The following ARL15 variants were observed in gnomAD, a reference collection of about 807,000 sequenced individuals.
ARL15 encodes the protein ADP-ribosylation factor-like protein 15.
A neutral mutation model predicts 25.2 loss-of-function variants in ARL15; 19 were observed. The observed-to-expected ratio is 0.75, with a 90% CI of 0.53 to 1.10. The LOEUF (loss-of-function observed/expected upper bound fraction) is 1.10. Among genes scored for constraint, ARL15 ranks in the 50% least tolerant of loss-of-function variants. The probability of loss-of-function intolerance (pLI) is 0.00; values close to 1 mark genes in which losing one functional copy is unlikely to be tolerated. For missense variants in ARL15, 220 were observed against 246.0 expected (o/e 0.89, Z 0.71); for synonymous variants, 94 against 86.8 (o/e 1.08, Z -0.46).
intron 4 of ARL15, among the ~76,000 whole-genome samples, chr5:53,953,906 C>T (rs1747056820): frequency 6.6e-6 from 1 of 152,042 alleles, no homozygotes; most frequent in African/African-American, 2.4e-5. Context: ...ACTAGGTTTT[C>T]CATTTCAGAC....
intron 4 of ARL15, among the ~76,000 whole-genome samples, chr5:54,074,893 A>G (rs998379246): frequency 3.3e-5 from 5 of 151,518 alleles, no homozygotes; most frequent in Non-Finnish European, 4.4e-5. Flanking sequence ...TCACTTCCCC[A>G]GGTCTCAGTG....
chr5:54,196,702 C>T (rs1755560044), intron 1 of ARL15, among the ~76,000 whole-genome samples: 1 of 152,022 alleles, frequency 6.6e-6, no homozygotes, highest in Admixed American at 6.6e-5. Context: ...TTTACACATT[C>T]AGTGCTCTTT....
chr5:53,938,733 A>G (rs1746434758), intron 4 of ARL15, among the ~76,000 whole-genome samples: 1 of 152,188 alleles, frequency 6.6e-6, no homozygotes, highest in Non-Finnish European at 1.5e-5. Flanking sequence ...AGTTCCAGTT[A>G]CTTGGGAGGC....
At chr5:54,172,289 C>T (rs1754743302) in intron 1 of ARL15, among the ~76,000 whole-genome samples, 1 of 152,114 alleles carries the variant, frequency 6.6e-6, no homozygotes, top group African/African-American at 2.4e-5. Context: ...AGGCAACTGG[C>T]CTGTTCTCCT....
At chr5:54,045,620 A>G (rs1298985299) in intron 4 of ARL15, among the ~76,000 whole-genome samples, 1 of 151,670 alleles carries the variant, frequency 6.6e-6, no homozygotes, top group Admixed American at 6.6e-5. Context: ...CCACCTTAAC[A>G]TGGCTATCAT....
intron 1 of ARL15, among the ~76,000 whole-genome samples, chr5:54,180,337 A>G (rs967260022): frequency 2.6e-5 from 4 of 152,324 alleles, no homozygotes; most frequent in South Asian, 4.1e-4. Flanking sequence ...TTGTAAGAAG[A>G]GAAACAAAAA....
chr5:53,985,601 G>A (rs1381105873), intron 4 of ARL15, among the ~76,000 whole-genome samples: 3 of 152,054 alleles, frequency 2.0e-5, no homozygotes, highest in Non-Finnish European at 4.4e-5. Context: ...TTAGCGTAAT[G>A]TCCTCAGAAT....
At chr5:54,026,128 C>T (rs1749780938) in intron 4 of ARL15, among the ~76,000 whole-genome samples, 1 of 152,130 alleles carries the variant, frequency 6.6e-6, no homozygotes, top group African/African-American at 2.4e-5. Context: ...AATTTTTAGA[C>T]TGACTAGCTT....
intron 3 of ARL15, among the ~76,000 whole-genome samples, chr5:54,134,064 C>A (rs770459111): frequency 2.6e-5 from 4 of 152,142 alleles, no homozygotes; most frequent in Admixed American, 6.5e-5. Context: ...TCAGATGTAA[C>A]TGCAAAACTG....
At chr5:54,285,209 A>G (rs907265342) in intron 1 of ARL15, 1 of 213,372 alleles carries the variant, frequency 4.7e-6, no homozygotes, top group African/African-American at 2.4e-5. Flanking sequence ...TTGCTGCCTC[A>G]TCTAATAAAA....
chr5:54,142,037 C>T (rs1039315000), intron 3 of ARL15, among the ~76,000 whole-genome samples: 1 of 152,126 alleles, frequency 6.6e-6, no homozygotes, highest in Non-Finnish European at 1.5e-5. Context: ...GATTTTGCAT[C>T]GATGTAAGTT....
chr5:54,008,930 A>T (rs1158366985), intron 4 of ARL15, among the ~76,000 whole-genome samples: 3 of 152,202 alleles, frequency 2.0e-5, no homozygotes, highest in Non-Finnish European at 4.4e-5. Flanking sequence ...GAGGTCCAAG[A>T]AACTATTTTA....
intron 4 of ARL15, among the ~76,000 whole-genome samples, chr5:54,026,840 G>A (rs1370063986): frequency 1.3e-5 from 2 of 152,140 alleles, no homozygotes; most frequent in Non-Finnish European, 2.9e-5. Flanking sequence ...CTGGGCATTT[G>A]AGGGTTGTGA....
chr5:54,184,958 T>A (rs1755194572), intron 1 of ARL15, among the ~76,000 whole-genome samples: 1 of 152,142 alleles, frequency 6.6e-6, no homozygotes, highest in African/African-American at 2.4e-5. Context: ...TGATTTAAAA[T>A]CTTTCTATAG....
intron 3 of ARL15, among the ~76,000 whole-genome samples, chr5:54,131,806 G>A (rs924274499): frequency 1.3e-5 from 2 of 152,028 alleles, no homozygotes; most frequent in Non-Finnish European, 2.9e-5. Context: ...GGGAGGCTGA[G>A]GCAGGAGAAT....
chr5:54,046,493 C>CAG (rs370528923), intron 4 of ARL15, among the ~76,000 whole-genome samples: 37 of 150,404 alleles, frequency 2.5e-4, no homozygotes, highest in African/African-American at 7.8e-4. Flanking sequence ...AATACATAAG[C>CAG]AGAGAGAGAG....
chr5:54,113,236 T>C lies in ARL15; in HGVS notation c.428A>G (p.His143Arg), dbSNP rs1375783259. ...TGAGCGAGCTGCTGGCTTGTCTTGATGATTGGCCAATATTAAAAAGGGTAA... is the reference window on the plus strand; with the variant it reads ...TGAGCGAGCTGCTGGCTTGTCTTGACGATTGGCCAATATTAAAAAGGGTAA... ...CTLPFLILAN[H>R]QDKPAARSVQ... is the part of the protein sequence containing the mutation. Residue 143 changes from histidine (H) to arginine (R), a missense_variant, in exon 4 of 5, where the codon CAT (histidine) becomes CGT (arginine). Physicochemically the swap from His to Arg is conservative, Grantham distance 29 (BLOSUM62 0). Coordinates refer to ENST00000504924, the MANE Select transcript of ARL15 (RefSeq NM_019087.3). 6.2e-7 allele frequency: 1 copy of C among 1,613,842 alleles called. No homozygotes were observed. The highest frequency in any genetic ancestry group is 8.5e-7 in the Non-Finnish European group (1 of 1,179,858).
intron 1 of ARL15, among the ~76,000 whole-genome samples, chr5:54,276,760 A>G (rs1284173860): frequency 6.6e-6 from 1 of 152,208 alleles, no homozygotes; most frequent in Admixed American, 6.5e-5. Context: ...AAAGAGGGAG[A>G]CATGAGTGTC....
chr5:54,066,559 C>T (rs1190130782), intron 4 of ARL15, among the ~76,000 whole-genome samples: 2 of 152,108 alleles, frequency 1.3e-5, no homozygotes, highest in African/African-American at 2.4e-5. Flanking sequence ...ATAAAGGCAA[C>T]TCAAAAATGA....
Sources: gnomAD v4.1 joint callset for allele counts (sites outside exome capture counted in the v4.1 genomes callset) on GRCh38, gnomAD v4.1.1 for gene constraint, MANE v1.5 for transcripts, NCBI Gene and HGNC (gene_info 2026-07-23, HGNC 2026-07-21) for gene names.